ALK: variants seen among roughly 807,000 people sequenced by gnomAD.
The protein encoded by ALK is ALK receptor tyrosine kinase.
In ALK, 74 loss-of-function variants were observed where a neutral mutation model predicts 163.1. That is an observed-to-expected ratio of 0.45 (90% CI 0.38 to 0.55). The LOEUF (loss-of-function observed/expected upper bound fraction) is 0.55. Among genes scored for constraint, ALK ranks in the 20% least tolerant of loss-of-function variants. ALK has a pLI of 0.00. For missense variants in ALK, 2,063 were observed against 2,105.3 expected, an observed-to-expected ratio of 0.98 and a Z score of 0.39; for synonymous variants, 960 against 843.2, an observed-to-expected ratio of 1.14 and a Z score of -2.40.
At chr2:29,288,310 C>G (rs1573195392) in intron 9 of ALK, among the ~76,000 whole-genome samples, 2 of 152,280 alleles carry the variant, frequency 1.3e-5, no homozygotes, top group East Asian at 3.9e-4. Flanking sequence ...TTCTGGAGGC[C>G]TGGGGCCTCG....
chr2:29,415,412 T>C (rs144447046), intron 4 of ALK, among the ~76,000 whole-genome samples: 1 of 152,160 alleles, frequency 6.6e-6, no homozygotes, highest in East Asian at 1.9e-4. Context: ...TTATCTCTAA[T>C]CCACTGTCTT....
At chr2:29,369,903 C>T (rs982386889) in intron 5 of ALK, among the ~76,000 whole-genome samples, 1 of 152,064 alleles carries the variant, frequency 6.6e-6, no homozygotes, top group Non-Finnish European at 1.5e-5. Flanking sequence ...AGATAAGGAA[C>T]AGGAAGAATA....
chr2:29,863,992 C>T (rs569395106), intron 1 of ALK, among the ~76,000 whole-genome samples: 1 of 152,316 alleles, frequency 6.6e-6, no homozygotes, highest in East Asian at 1.9e-4. Flanking sequence ...ACCTGCTTCT[C>T]AGAGGATTTG....
At chr2:29,531,833 G>T in intron 4 of ALK, 82 bp downstream of exon 4, 1 of 1,384,556 alleles carries the variant, frequency 7.2e-7, no homozygotes, top group African/African-American at 1.4e-5. Flanking sequence ...TTTGTAAGTA[G>T]ATGTCACAGA....
At chr2:29,487,059 G>T (rs1393956945) in intron 4 of ALK, among the ~76,000 whole-genome samples, 2 of 152,182 alleles carry the variant, frequency 1.3e-5, no homozygotes, top group African/African-American at 2.4e-5. Flanking sequence ...AAGAGTTAGA[G>T]GGGATCATTT....
chr2:29,467,847 T>C lies in ALK; in HGVS notation c.1154+64068A>G, dbSNP rs564012024. Among the ~76,000 whole-genome samples, 154 of 152,348 alleles carry C rather than the reference T, an allele frequency of 1.0e-3. 1 individual carries two copies. Among genetic ancestry groups the C allele is most frequent in the Admixed American group, 3.8e-3 (58 of 15,310 alleles). On this transcript the variant is annotated intron_variant, in intron 4 of 28. Coordinates refer to ENST00000389048, the MANE Select transcript of ALK (RefSeq NM_004304.5). The stretch of plus-strand genomic sequence containing the variant: ...ACAACTCTTCTCTCTAAATTTATTT[T>C]AGTTTTGGTAAATATGGTTACTGTT...
At chr2:29,692,941 G>A (rs187006389) in intron 3 of ALK, among the ~76,000 whole-genome samples, 19 of 152,324 alleles carry the variant, frequency 1.2e-4, no homozygotes, top group Non-Finnish European at 2.2e-4. Flanking sequence ...ATGTATCAAA[G>A]TGAACAGATC....
chr2:29,713,731 G>A (rs1216346667), intron 2 of ALK, among the ~76,000 whole-genome samples: 1 of 151,890 alleles, frequency 6.6e-6, no homozygotes, highest in Non-Finnish European at 1.5e-5. Context: ...TTTGACCCTC[G>A]ATTTGTATTT....
chr2:29,475,307 CT>C (rs1490957082), intron 4 of ALK, among the ~76,000 whole-genome samples: 1 of 152,146 alleles, frequency 6.6e-6, no homozygotes, highest in Non-Finnish European at 1.5e-5. Flanking sequence ...CTGCCCTTTA[CT>C]TAATGTCTCC....
intron 11 of ALK, among the ~76,000 whole-genome samples, chr2:29,266,722 A>G (rs1180634456): frequency 1.3e-5 from 2 of 152,202 alleles, no homozygotes; most frequent in South Asian, 2.1e-4. Context: ...TTCTATGCCA[A>G]TTCACTTACT....
At chr2:29,773,349 T>C (rs745665914) in intron 1 of ALK, among the ~76,000 whole-genome samples, 2 of 152,182 alleles carry the variant, frequency 1.3e-5, no homozygotes, top group Admixed American at 6.5e-5. Flanking sequence ...AGAAATCCTA[T>C]GTAGAAACAG....
intron 1 of ALK, among the ~76,000 whole-genome samples, chr2:29,743,535 C>A (rs1310018125): frequency 6.6e-6 from 1 of 152,254 alleles, no homozygotes. Context: ...GGATCACTTT[C>A]CTTTTGTCAT....
intron 3 of ALK, among the ~76,000 whole-genome samples, chr2:29,533,886 G>A (rs1673182401): frequency 6.6e-6 from 1 of 152,180 alleles, no homozygotes. Context: ...GAGGAGACAG[G>A]AGGTCCAGGT....
At chr2:29,907,508 C>T (rs1396921042) in intron 1 of ALK, among the ~76,000 whole-genome samples, 1 of 152,206 alleles carries the variant, frequency 6.6e-6, no homozygotes, top group Non-Finnish European at 1.5e-5. Flanking sequence ...ACAATGGTCT[C>T]TCCACTCCAT....
At chr2:29,375,009 G>C (rs76452833) in intron 5 of ALK, among the ~76,000 whole-genome samples, 2,397 of 152,260 alleles carry the variant, frequency 0.016, 53 homozygotes, top group African/African-American at 0.054. Flanking sequence ...CACCTCCCCA[G>C]GTTGGCAGTG....
In ALK at chr2:29,314,975, C is replaced by T. The variant is rs1356251225; in HGVS notation, c.1647+3329G>A. 3.3e-5 allele frequency among the ~76,000 whole-genome samples: 5 copies of T among 152,288 alleles called. No homozygotes were observed. The East Asian group carries it at 9.6e-4, about 29-fold the overall frequency. ...ACAGCAAGTGAGCACATGAAAGCCA[C>T]TGCAAGCCTTCCCTCCCCGGTGGCA... On this transcript the variant is annotated intron_variant, in intron 8 of 28. Coordinates refer to ENST00000389048, the MANE Select transcript of ALK (RefSeq NM_004304.5).
chr2:29,219,778 A>G (rs1669752555), intron 23 of ALK, among the ~76,000 whole-genome samples: 1 of 152,234 alleles, frequency 6.6e-6, no homozygotes, highest in Non-Finnish European at 1.5e-5. Context: ...AGACTGCCCT[A>G]AACTACACGG....
chr2:29,759,924 A>C (rs1680652913), intron 1 of ALK, among the ~76,000 whole-genome samples: 1 of 152,212 alleles, frequency 6.6e-6, no homozygotes, highest in Admixed American at 6.5e-5. Flanking sequence ...AACAATAAAC[A>C]CACTGTACAC....
intron 13 of ALK, among the ~76,000 whole-genome samples, chr2:29,234,956 G>A (rs374456670): frequency 1.1e-4 from 17 of 152,190 alleles, no homozygotes; most frequent in Admixed American, 8.5e-4. Context: ...CAGGTGATCC[G>A]CCTGCCTTGG....
Sources: allele counts gnomAD v4.1 joint callset (sites outside exome capture counted in the v4.1 genomes callset), GRCh38; gene constraint gnomAD v4.1.1; transcripts MANE v1.5; gene names NCBI Gene and HGNC (gene_info 2026-07-23, HGNC 2026-07-21).